ICA1: variants seen among roughly 807,000 people sequenced by gnomAD.
ICA1 encodes the protein islet cell autoantigen 1, also known as 69 kDa islet cell autoantigen.
Under a neutral mutation model 71.0 loss-of-function variants are expected in ICA1, and 40 were observed. The ratio of observed to expected loss-of-function variants is 0.56; its 90% CI spans 0.44 to 0.73. The LOEUF (loss-of-function observed/expected upper bound fraction) is 0.73, where lower values mean the gene tolerates loss of function less well. Ranked by LOEUF, ICA1 falls within the 30% of genes least tolerant of loss-of-function variation. The pLI is 0.00. For missense variants in ICA1, 578 were observed against 576.5 expected (o/e 1.00, Z -0.03); for synonymous variants, 207 against 209.5 (o/e 0.99, Z 0.10).
intron 4 of ICA1, among the ~76,000 whole-genome samples, chr7:8,225,678 C>G (rs1459784260): frequency 6.6e-6 from 1 of 152,198 alleles, no homozygotes; most frequent in Non-Finnish European, 1.5e-5. Context: ...TCATCTGCAT[C>G]TATTTCTGTA....
At chr7:8,261,836 C>G (rs1008629259) in intron 1 of ICA1, among the ~76,000 whole-genome samples, 3 of 152,314 alleles carry the variant, frequency 2.0e-5, no homozygotes, top group Admixed American at 2.0e-4. Flanking sequence ...TCCCCCGGGG[C>G]TGACGCACGC....
intron 3 of ICA1, among the ~76,000 whole-genome samples, chr7:8,230,721 C>A (rs777741313): frequency 2.0e-5 from 3 of 152,136 alleles, no homozygotes; most frequent in Non-Finnish European, 4.4e-5. Flanking sequence ...TAATAATTTA[C>A]ACTGTACTTA....
chr7:8,259,791 T>C (rs988515707), intron 1 of ICA1, among the ~76,000 whole-genome samples: 15 of 152,174 alleles, frequency 9.9e-5, no homozygotes, highest in African/African-American at 3.6e-4. Flanking sequence ...GTGTTAGATA[T>C]GATTGTGATA....
At chr7:8,244,274 C>A (rs933408147) in intron 1 of ICA1, among the ~76,000 whole-genome samples, 1 of 152,192 alleles carries the variant, frequency 6.6e-6, no homozygotes, top group African/African-American at 2.4e-5. Context: ...GCTATCTGAT[C>A]TTTGACAAAT....
chr7:8,187,657 T>C (rs939807595), intron 6 of ICA1, among the ~76,000 whole-genome samples: 8 of 152,262 alleles, frequency 5.3e-5, no homozygotes, highest in Admixed American at 3.9e-4. Flanking sequence ...TTTTTGACTC[T>C]TCTGTAATAA....
intron 13 of ICA1, among the ~76,000 whole-genome samples, chr7:8,125,847 C>A (rs1303612882): frequency 1.3e-5 from 2 of 152,226 alleles, no homozygotes; most frequent in African/African-American, 2.4e-5. Context: ...GTTCCTGTTT[C>A]TCTTTCCGTA....
At chr7:8,220,738 G>A (rs917579651) in intron 5 of ICA1, among the ~76,000 whole-genome samples, 1 of 152,182 alleles carries the variant, frequency 6.6e-6, no homozygotes, top group African/African-American at 2.4e-5. Flanking sequence ...CAGCGGTCTA[G>A]TTAAAATGTG....
intron 13 of ICA1, among the ~76,000 whole-genome samples, chr7:8,118,881 T>C (rs549782478): frequency 6.6e-6 from 1 of 152,268 alleles, no homozygotes; most frequent in African/African-American, 2.4e-5. Flanking sequence ...GCATCACCTA[T>C]GTGCTGGTTA....
At position 8,226,845 on chromosome 7, in the gene ICA1, A is replaced by T. The variant is rs1434792782; in HGVS notation, c.256+1756T>A. ...TAATTATGAGCCTTCATGGTGTTCA[A>T]CTATAATTCTATTAACTAATCTGAG... On this transcript the variant is annotated intron_variant, in intron 4 of 13. Transcript: ENST00000402384. The surrounding 1 kb of genome is among the most constrained non-coding windows in gnomAD (Gnocchi z 4.4). Among the ~76,000 whole-genome samples, 1 of 152,228 alleles carries T rather than the reference A, an allele frequency of 6.6e-6. No homozygotes were observed. The highest frequency in any genetic ancestry group is 1.5e-5 in the Non-Finnish European group (1 of 68,034).
intron 13 of ICA1, among the ~76,000 whole-genome samples, chr7:8,124,132 T>TTG (rs1788111174): frequency 6.9e-6 from 1 of 145,984 alleles, no homozygotes; most frequent in African/African-American, 2.5e-5. Flanking sequence ...TTTTTTTTTT[T>TTG]TTTTTTGAGA....
chr7:8,158,244 T>C, intron 7 of ICA1: 2 of 369,976 alleles, frequency 5.4e-6, no homozygotes, highest in South Asian at 4.3e-5. Context: ...TTAAAAAGAA[T>C]GGAATTTGGA....
intron 8 of ICA1, among the ~76,000 whole-genome samples, chr7:8,147,689 C>CG (rs1489709839): frequency 8.1e-3 from 29 of 3,560 alleles, no homozygotes; most frequent in African/African-American, 0.011. Flanking sequence ...CCAAGGGGAA[C>CG]ACACACACAC....
intron 6 of ICA1, among the ~76,000 whole-genome samples, chr7:8,164,385 G>C (rs1412683066): frequency 2.6e-5 from 4 of 151,442 alleles, no homozygotes; most frequent in Non-Finnish European, 5.9e-5. Flanking sequence ...GGATAGTGAT[G>C]CTGGTTATGG....
intron 6 of ICA1, among the ~76,000 whole-genome samples, chr7:8,214,560 A>G (rs1164405215): frequency 6.6e-6 from 1 of 152,216 alleles, no homozygotes; most frequent in Non-Finnish European, 1.5e-5. Context: ...CCCGTCCCTC[A>G]TGGTCATATT....
At position 8,173,938 on chromosome 7, in the gene ICA1, T is replaced by C. The variant is rs148834657; in HGVS notation, c.580-15286A>G. On this transcript the variant is annotated intron_variant, in intron 6 of 13. Coordinates refer to ENST00000402384, the MANE Select transcript of ICA1 (RefSeq NM_001136020.3). This position sits in a 1 kb window ranked among gnomAD's most constrained non-coding sequence, Gnocchi z 4.0. ...GGACAATAAATAACAAAAGTAAACA[T>C]ATTGTCTGTTGGTGAAAATAAAGCA... Among the ~76,000 whole-genome samples, 277 of 152,260 alleles carry C rather than the reference T, an allele frequency of 1.8e-3. 1 individual carries two copies. Among genetic ancestry groups the C allele is most frequent in the African/African-American group, 6.5e-3 (269 of 41,544 alleles).
chr7:8,178,936 T>A (rs761376484), intron 6 of ICA1, among the ~76,000 whole-genome samples: 4 of 152,160 alleles, frequency 2.6e-5, no homozygotes, highest in Non-Finnish European at 2.9e-5. Flanking sequence ...CCATCTGCCC[T>A]TCTATATTTT....
At chr7:8,179,196 A>G (rs1159544596) in intron 6 of ICA1, among the ~76,000 whole-genome samples, 1 of 152,072 alleles carries the variant, frequency 6.6e-6, no homozygotes, top group Non-Finnish European at 1.5e-5. Flanking sequence ...CACCCCACCA[A>G]CCTGGACGCC....
At chr7:8,162,808 G>A (rs1214786145) in intron 6 of ICA1, among the ~76,000 whole-genome samples, 1 of 152,142 alleles carries the variant, frequency 6.6e-6, no homozygotes, top group Non-Finnish European at 1.5e-5. Context: ...CTGTCACCCA[G>A]GCTGGAATGC....
intron 13 of ICA1, among the ~76,000 whole-genome samples, chr7:8,115,728 C>T (rs1289909817): frequency 6.6e-6 from 1 of 152,212 alleles, no homozygotes; most frequent in Non-Finnish European, 1.5e-5. Context: ...GTCAGTGATA[C>T]CAAAGAAACA....
Sources: gnomAD v4.1 joint callset for allele counts (sites outside exome capture counted in the v4.1 genomes callset) on GRCh38, gnomAD v4.1.1 for gene constraint, Gnocchi (gnomAD v3.1) non-coding constraint, MANE v1.5 for transcripts, NCBI Gene and HGNC (gene_info 2026-07-23, HGNC 2026-07-21) for gene names.